Variants in NIBAN1 observed in about 807,000 individuals in gnomAD.
The protein encoded by NIBAN1 is niban apoptosis regulator 1.
Under a neutral mutation model 75.1 loss-of-function variants are expected in NIBAN1, and 81 were observed. The ratio of observed to expected loss-of-function variants is 1.08; its 90% CI spans 0.90 to 1.30. The LOEUF (loss-of-function observed/expected upper bound fraction) is 1.30, where lower values mean the gene tolerates loss of function less well. Among genes scored for constraint, NIBAN1 ranks in the 50% most tolerant of loss-of-function variants. The pLI is 0.00. For synonymous variants in NIBAN1, 436 were observed against 424.8 expected (o/e 1.03, Z -0.32); for missense variants, 1,133 against 1,128.1 (o/e 1.00, Z -0.06).
intron 1 of NIBAN1, among the ~76,000 whole-genome samples, chr1:184,959,926 A>C (rs1389474655): frequency 6.6e-6 from 1 of 152,194 alleles, no homozygotes; most frequent in East Asian, 1.9e-4. Flanking sequence ...TTACTTGTTT[A>C]ATAATTTTCT....
intron 3 of NIBAN1, among the ~76,000 whole-genome samples, chr1:184,891,165 T>C (rs1205113214): frequency 6.6e-6 from 1 of 152,166 alleles, no homozygotes; most frequent in Non-Finnish European, 1.5e-5. Context: ...TCTAAATTAC[T>C]TGTAACAACG....
At chr1:184,969,511 A>G (rs757701916) in intron 1 of NIBAN1, among the ~76,000 whole-genome samples, 22 of 152,158 alleles carry the variant, frequency 1.4e-4, no homozygotes, top group Non-Finnish European at 1.8e-4. Flanking sequence ...GCCTAGAAGC[A>G]GGTGGCAAAC....
At chr1:184,824,000 C>A (rs1654777509) in intron 6 of NIBAN1, among the ~76,000 whole-genome samples, 1 of 152,132 alleles carries the variant, frequency 6.6e-6, no homozygotes, top group Non-Finnish European at 1.5e-5. Flanking sequence ...ATGTAAATAA[C>A]AAATTCCCCA....
At chr1:184,973,392 A>G (rs2102099294) in intron 1 of NIBAN1, among the ~76,000 whole-genome samples, 1 of 151,968 alleles carries the variant, frequency 6.6e-6, no homozygotes, top group East Asian at 1.9e-4. Flanking sequence ...AGTTTAATAC[A>G]TAGTCTGGAA....
At chr1:184,888,146 A>G (rs1656575682) in intron 4 of NIBAN1, 1 of 152,286 alleles carries the variant, frequency 6.6e-6, no homozygotes, top group Admixed American at 6.5e-5. Context: ...CCATGATCAC[A>G]TCACTGCATT....
chr1:184,844,051 C>A (rs958155837), intron 5 of NIBAN1, among the ~76,000 whole-genome samples: 1 of 152,176 alleles, frequency 6.6e-6, no homozygotes, highest in African/African-American at 2.4e-5. Flanking sequence ...TCTTTAGTCA[C>A]GACTTGTCCT....
chr1:184,894,927 T>A (rs1162627188), intron 2 of NIBAN1, among the ~76,000 whole-genome samples: 1 of 152,220 alleles, frequency 6.6e-6, no homozygotes, highest in Non-Finnish European at 1.5e-5. Flanking sequence ...CCCATCCGGC[T>A]TCATTGTGTA....
chr1:184,795,345 G>C lies in NIBAN1; in HGVS notation c.2419C>G (p.Pro807Ala), dbSNP rs1653818259. ...PPASGGLTEE[P>A]LGPMEGELPG... ...AGCTCCCCCTCCATGGGCCCCAGGG[G>C]CTCCTCGGTGAGCCCTCCACTGGCT... Residue 807 changes from proline to alanine, a missense_variant, in exon 14 of 14, where the codon CCC (proline) becomes GCC (alanine). Physicochemically the swap from Pro to Ala is conservative, Grantham distance 27. Coordinates refer to ENST00000367511, the MANE Select transcript of NIBAN1 (RefSeq NM_052966.4). 1 of 1,609,758 alleles carries C rather than the reference G, an allele frequency of 6.2e-7. No homozygotes were observed. Among genetic ancestry groups the C allele is most frequent in the Non-Finnish European group, 8.5e-7 (1 of 1,178,068 alleles).
intron 2 of NIBAN1, among the ~76,000 whole-genome samples, chr1:184,896,887 G>A (rs1198018090): frequency 1.3e-5 from 2 of 152,096 alleles, no homozygotes; most frequent in Middle Eastern, 3.2e-3. Context: ...TCTCCATTCT[G>A]TTCCATTGGT....
intron 8 of NIBAN1, among the ~76,000 whole-genome samples, chr1:184,822,536 G>T (rs1166894366): frequency 6.6e-6 from 1 of 152,156 alleles, no homozygotes; most frequent in Non-Finnish European, 1.5e-5. Flanking sequence ...GCTTCAGTTT[G>T]CCAATCCCAC....
chr1:184,808,377 C>A (rs1322862671), intron 9 of NIBAN1, 142 bp from the exon 10 acceptor site: 7 of 814,030 alleles, frequency 8.6e-6, no homozygotes, highest in Non-Finnish European at 1.3e-5. Flanking sequence ...ATCTGTGACA[C>A]CTTCAACTGT....
chr1:184,968,386 C>A (rs1193452857), intron 1 of NIBAN1, among the ~76,000 whole-genome samples: 4 of 152,154 alleles, frequency 2.6e-5, no homozygotes, highest in African/African-American at 9.7e-5. Flanking sequence ...AGTAGTTTTA[C>A]TTATTTGAAA....
chr1:184,961,928 C>A (rs939676953), intron 1 of NIBAN1, among the ~76,000 whole-genome samples: 1 of 152,164 alleles, frequency 6.6e-6, no homozygotes, highest in African/African-American at 2.4e-5. Flanking sequence ...GCATAAGAGA[C>A]CTGGGCCACA....
chr1:184,958,767 C>A (rs1014142017), intron 1 of NIBAN1, among the ~76,000 whole-genome samples: 7 of 152,162 alleles, frequency 4.6e-5, no homozygotes, highest in Non-Finnish European at 8.8e-5. Flanking sequence ...CTCTAAAATT[C>A]TTACTTACTT....
intron 13 of NIBAN1, among the ~76,000 whole-genome samples, chr1:184,797,465 G>A (rs113599225): frequency 1.1e-4 from 16 of 152,062 alleles, no homozygotes; most frequent in African/African-American, 3.4e-4. Flanking sequence ...TTTAAACAAA[G>A]TTTTCCTATC....
intron 9 of NIBAN1, among the ~76,000 whole-genome samples, chr1:184,817,186 C>T (rs1265015071): frequency 3.9e-5 from 6 of 152,142 alleles, no homozygotes; most frequent in African/African-American, 1.2e-4. Context: ...CATCCATGTC[C>T]CTGCAAAGGA....
intron 5 of NIBAN1, among the ~76,000 whole-genome samples, chr1:184,873,319 G>C (rs555206): frequency 6.6e-6 from 1 of 152,026 alleles, no homozygotes; most frequent in South Asian, 2.1e-4. Flanking sequence ...TATGAGCAAA[G>C]AAAGCAGTGA....
In NIBAN1 at chr1:184,916,568, T is replaced by C. The variant is rs1168237645; in HGVS notation, c.56-17259A>G. Among the ~76,000 whole-genome samples the C allele has an allele frequency of 3.3e-5, 5 of 152,276 alleles. No homozygotes were observed. In the East Asian group the frequency reaches 5.8e-4, roughly 18 times the overall value. On this transcript the variant is annotated intron_variant, in intron 1 of 13. Transcript: ENST00000367511. ...TGTGTGTGTGTCTCCAAATAAACCA[T>C]ATACAACTTGGCCAAAGTTTTAAAA...
In NIBAN1 at chr1:184,899,275, G is replaced by A; in HGVS notation, c.90C>T (p.Pro30=). 6.2e-7 allele frequency: 1 copy of A among 1,613,822 alleles called. No homozygotes were observed. Among genetic ancestry groups the A allele is most frequent in the Admixed American group, 1.7e-5 (1 of 59,998 alleles). Residue 30 remains proline (P), a synonymous_variant, in exon 2 of 14, where the codon CCC becomes CCT. Transcript: ENST00000367511. ...KTEAAIKNFS[P]YYSRQYSVAF... ...CCACAGAGTACTGACGACTGTAGTA[G>A]GGACTGAAGTTTTTGATGGCAGCCT...
Sources: allele counts gnomAD v4.1 joint callset (sites outside exome capture counted in the v4.1 genomes callset), GRCh38; gene constraint gnomAD v4.1.1; transcripts MANE v1.5; gene names NCBI Gene and HGNC (gene_info 2026-07-23, HGNC 2026-07-21).